Variants in NLRC5 observed in about 807,000 individuals in gnomAD.
NLRC5 encodes protein NLRC5.
NLRC5 carries 114 observed loss-of-function variants against 206.9 expected under a neutral mutation model. The ratio of observed to expected loss-of-function variants is 0.55; its 90% CI spans 0.47 to 0.64. The LOEUF is 0.64. Ranked by LOEUF, NLRC5 falls within the 30% of genes least tolerant of loss-of-function variation. The pLI is 0.00. For synonymous variants in NLRC5, 952 were observed against 962.8 expected (o/e 0.99, Z 0.21); for missense variants, 2,008 against 2,305.5 (o/e 0.87, Z 2.64).
intron 38 of NLRC5, chr16:57,074,392 C>G: frequency 1.8e-6 from 1 of 542,100 alleles, no homozygotes; most frequent in Non-Finnish European, 3.4e-6. Context: ...GAACATAGAA[C>G]TGCTGCCTGC....
chr16:57,075,249 C>T (rs113689453), intron 39 of NLRC5, among the ~76,000 whole-genome samples: 8,327 of 151,874 alleles, frequency 0.055, 766 homozygotes, highest in African/African-American at 0.19. Context: ...GACAGAGTTT[C>T]GCTCTTGTTG....
intron 24 of NLRC5, among the ~76,000 whole-genome samples, chr16:57,053,743 G>A (rs1018018958): frequency 2.6e-5 from 4 of 152,112 alleles, no homozygotes; most frequent in Non-Finnish European, 4.4e-5. Context: ...TGACCATGCT[G>A]GTCTCAAACT....
intron 43 of NLRC5, 70 bp downstream of exon 43, chr16:57,078,090 C>G (rs2068642072): frequency 1.9e-6 from 2 of 1,040,232 alleles, no homozygotes; most frequent in Non-Finnish European, 1.3e-6. Flanking sequence ...GTGGGGGGGT[C>G]CAGGCCCCCA....
chr16:57,047,182 A>T (rs565607158), intron 22 of NLRC5, among the ~76,000 whole-genome samples: 1 of 152,290 alleles, frequency 6.6e-6, no homozygotes, highest in Non-Finnish European at 1.5e-5. Flanking sequence ...TGCAGTGTTA[A>T]AATGTGAGAC....
intron 20 of NLRC5, among the ~76,000 whole-genome samples, chr16:57,044,999 G>A (rs2063755803): frequency 6.6e-6 from 1 of 152,092 alleles, no homozygotes; most frequent in Admixed American, 6.5e-5. Flanking sequence ...GAGCCATGGA[G>A]TTTGAGACCA....
At chr16:56,998,844 C>T (rs898523838) in intron 1 of NLRC5, among the ~76,000 whole-genome samples, 2 of 152,238 alleles carry the variant, frequency 1.3e-5, no homozygotes, top group Non-Finnish European at 2.9e-5. Flanking sequence ...CGTGGTTACA[C>T]CAAACTTTAT....
chr16:57,066,162 C>T (rs1482801287), intron 33 of NLRC5, among the ~76,000 whole-genome samples: 3 of 152,070 alleles, frequency 2.0e-5, no homozygotes, highest in East Asian at 1.9e-4. Context: ...AAGGGCCAGG[C>T]GCGGTGGCTC....
intron 33 of NLRC5, among the ~76,000 whole-genome samples, chr16:57,066,079 C>T (rs1209824070): frequency 6.6e-6 from 1 of 152,160 alleles, no homozygotes; most frequent in Non-Finnish European, 1.5e-5. Flanking sequence ...CTGGAACTGC[C>T]CTTGGATCCC....
At chr16:56,997,218 T>G (rs919411705) in intron 1 of NLRC5, among the ~76,000 whole-genome samples, 1 of 152,184 alleles carries the variant, frequency 6.6e-6, no homozygotes, top group Non-Finnish European at 1.5e-5. Context: ...TCTTGGAGCC[T>G]GTTTCTTCAT....
At position 57,033,537 on chromosome 16, in the gene NLRC5, A is replaced by G. The variant is rs533141725; in HGVS notation, c.2478-67A>G. 2.7e-5 allele frequency: 41 copies of G among 1,513,354 alleles called. No individual in the cohort carries two copies. In the South Asian group the frequency reaches 4.2e-4, roughly 15 times the overall value. 93.7% of individuals were successfully genotyped at this position (1,513,354 alleles called of 1,614,324 possible). A position where few individuals can be genotyped will look rare whatever the true frequency, so the allele number is the denominator to read the frequency against. ...GGTCTTCAGCCTCTAGAAGCCAAGGAAAGAGGCTTGATCCACCAGGCCCTA... is the reference window on the plus strand; with the variant it reads ...GGTCTTCAGCCTCTAGAAGCCAAGGGAAGAGGCTTGATCCACCAGGCCCTA... On this transcript the variant is annotated intron_variant, in intron 11 of 48. Transcript: ENST00000688547.
chr16:56,993,535 A>G lies in NLRC5; in HGVS notation c.-128+3918A>G, dbSNP rs533044757. Reference sequence around the variant, plus strand: ...GAATATGCAGTTTGAACTTGGATAAATAAGGCAAATTATCCCCCCTTAAAT... The same window carrying G: ...GAATATGCAGTTTGAACTTGGATAAGTAAGGCAAATTATCCCCCCTTAAAT... On this transcript the variant is annotated intron_variant, in intron 1 of 48. Coordinates refer to ENST00000688547, the MANE Select transcript of NLRC5 (RefSeq NM_001384950.1). Among the ~76,000 whole-genome samples the G allele has an allele frequency of 2.1e-4, 32 of 152,332 alleles. No homozygotes were observed. In the South Asian group the frequency reaches 6.6e-3, roughly 32 times the overall value.
chr16:57,010,895 G>GC (rs1161406544), intron 1 of NLRC5, among the ~76,000 whole-genome samples: 1 of 145,542 alleles, frequency 6.9e-6, no homozygotes, highest in African/African-American at 2.6e-5. Flanking sequence ...TGTTCTTGTG[G>GC]CTTTTTTTAA....
chr16:57,064,595 G>A (rs112699212), intron 32 of NLRC5, among the ~76,000 whole-genome samples: 52 of 152,054 alleles, frequency 3.4e-4, no homozygotes, highest in African/African-American at 1.2e-3. Flanking sequence ...CCTTACCTTT[G>A]TGATGTAACA....
chr16:57,021,119 G>C (rs540291182), intron 3 of NLRC5, 112 bp downstream of exon 3: 10 of 901,648 alleles, frequency 1.1e-5, no homozygotes, highest in South Asian at 9.9e-5. Context: ...GCCCAGCCAC[G>C]ATCTCAACTC....
At position 57,079,116 on chromosome 16, in the gene NLRC5, C is replaced by T. The variant is rs917549713; in HGVS notation, c.5148C>T (p.Pro1716=). The T allele has an allele frequency of 6.2e-7, 1 of 1,614,148 alleles. No individual in the cohort carries two copies. The highest frequency in any genetic ancestry group is 8.5e-7 in the Non-Finnish European group (1 of 1,180,028). The part of the protein sequence containing the change: ...LSLAQALDGS[P]HLEEISLAEN... The stretch of plus-strand genomic sequence containing the variant: ...TGGCCCAGGCCCTGGATGGATCCCC[C>T]CATTTGGAAGAGATCAGGTAAGTAG... The change falls in exon 44 of 49, where the codon CCC becomes CCT. Residue 1716 remains proline, a synonymous_variant. Transcript: ENST00000688547.
At chr16:57,064,945 T>TA (rs1366925210) in intron 32 of NLRC5, among the ~76,000 whole-genome samples, 2 of 151,926 alleles carry the variant, frequency 1.3e-5, no homozygotes, top group African/African-American at 4.8e-5. Context: ...TAAGATAAGA[T>TA]AAAAAAATAA....
At chr16:57,054,937 C>T in intron 25 of NLRC5, 95 bp from the exon 26 acceptor site, 2 of 1,585,344 alleles carry the variant, frequency 1.3e-6, no homozygotes, top group Non-Finnish European at 1.7e-6. Flanking sequence ...TAGGACCCAA[C>T]TAGAGGCTGG....
chr16:57,005,180 C>T (rs1057339727), intron 1 of NLRC5, among the ~76,000 whole-genome samples: 3 of 152,144 alleles, frequency 2.0e-5, no homozygotes, highest in Admixed American at 6.5e-5. Context: ...TTCTCTGTTC[C>T]GTTTGCAGTA....
intron 23 of NLRC5, 105 bp downstream of exon 23, chr16:57,047,733 T>G: frequency 1.0e-6 from 1 of 974,578 alleles, no homozygotes; most frequent in Non-Finnish European, 1.6e-6. Flanking sequence ...TCTCGATTTC[T>G]TCCCACCAGC....
Sources: gnomAD v4.1 joint callset for allele counts (sites outside exome capture counted in the v4.1 genomes callset) on GRCh38, gnomAD v4.1.1 for gene constraint, MANE v1.5 for transcripts, NCBI Gene and HGNC (gene_info 2026-07-23, HGNC 2026-07-21) for gene names.